GASK1A: variants seen among roughly 807,000 people sequenced by gnomAD.
The protein encoded by GASK1A is Golgi-associated kinase 1A.
GASK1A carries 40 observed loss-of-function variants against 41.2 expected under a neutral mutation model. The observed-to-expected ratio is 0.97, with a 90% CI of 0.75 to 1.27. GASK1A has a LOEUF of 1.27. GASK1A is among the 50% of genes most tolerant of loss of function. The probability of loss-of-function intolerance (pLI) is 0.00; values close to 1 mark genes in which losing one functional copy is unlikely to be tolerated. For synonymous variants in GASK1A, 316 were observed against 307.1 expected (o/e 1.03, Z -0.30); for missense variants, 678 against 745.1 (o/e 0.91, Z 1.05).
intron 2 of GASK1A, among the ~76,000 whole-genome samples, chr3:43,049,270 A>G (rs2089677407): frequency 6.6e-6 from 1 of 151,992 alleles, no homozygotes. Flanking sequence ...ATAAGAGATA[A>G]GATGACTTAA....
chr3:43,031,169 C>T (rs2089574060), intron 1 of GASK1A, among the ~76,000 whole-genome samples: 1 of 152,082 alleles, frequency 6.6e-6, no homozygotes, highest in South Asian at 2.1e-4. Flanking sequence ...ACTAGATTGT[C>T]CATTCATTTT....
At chr3:42,998,069 G>A (rs1412143727) in intron 1 of GASK1A, among the ~76,000 whole-genome samples, 1 of 152,164 alleles carries the variant, frequency 6.6e-6, no homozygotes, top group East Asian at 1.9e-4. Context: ...GTCCCAGCAG[G>A]CACACTGCTG....
intron 2 of GASK1A, among the ~76,000 whole-genome samples, chr3:43,041,899 G>C (rs748350981): frequency 6.6e-6 from 1 of 152,180 alleles, no homozygotes; most frequent in Non-Finnish European, 1.5e-5. Flanking sequence ...GCTCATGCCT[G>C]TAATCCCAGC....
intron 1 of GASK1A, among the ~76,000 whole-genome samples, chr3:43,021,046 G>A (rs150261780): frequency 0.011 from 1,630 of 152,224 alleles, 31 homozygotes; most frequent in African/African-American, 0.037. Context: ...GCACTTCCCG[G>A]TTGAGAGCTG....
chr3:42,990,807 C>CT lies in GASK1A; in HGVS notation c.3+11168dup, dbSNP rs759740099. 2.9e-4 allele frequency among the ~76,000 whole-genome samples: 44 copies of CT among 152,284 alleles called. No individual in the cohort carries two copies. The Middle Eastern group carries it at 0.017, about 59-fold the overall frequency. ...GTTGCTCTGTCAGCTAGGTGTCACT[C>CT]TTTTTTATTAATGAGGAAACTAAGG... On this transcript the variant is annotated intron_variant, in intron 1 of 4. Coordinates refer to ENST00000430121, the MANE Select transcript of GASK1A (RefSeq NM_001129908.3).
At chr3:43,036,572 G>A (rs1356385827) in intron 2 of GASK1A, among the ~76,000 whole-genome samples, 3 of 152,140 alleles carry the variant, frequency 2.0e-5, no homozygotes, top group Non-Finnish European at 4.4e-5. Context: ...ATAACACTCT[G>A]TATTAGTTAG....
intron 1 of GASK1A, among the ~76,000 whole-genome samples, chr3:43,008,570 A>G (rs1159005080): frequency 2.0e-5 from 3 of 152,172 alleles, no homozygotes; most frequent in African/African-American, 7.2e-5. Flanking sequence ...TCAGATTTCA[A>G]CTATAGCTTT....
At chr3:42,997,433 A>AT (rs2089381749) in intron 1 of GASK1A, among the ~76,000 whole-genome samples, 1 of 92,890 alleles carries the variant, frequency 1.1e-5, no homozygotes, top group East Asian at 2.6e-4. Context: ...AGAGAGACAG[A>AT]GAGAGGGGGG....
chr3:42,999,300 A>G (rs1356289913), intron 1 of GASK1A, among the ~76,000 whole-genome samples: 7 of 152,188 alleles, frequency 4.6e-5, no homozygotes, highest in Non-Finnish European at 7.3e-5. Context: ...TATTCTCCAC[A>G]TTCTGGACGG....
At position 43,056,559 on chromosome 3, in the gene GASK1A, C is replaced by T. The variant is rs2089717589; in HGVS notation, c.*173C>T. 2 of 572,370 alleles carry T rather than the reference C, an allele frequency of 3.5e-6. No homozygotes were observed. Among genetic ancestry groups the T allele is most frequent in the African/African-American group, 1.9e-5 (1 of 53,890 alleles). The allele number at this position is 572,370 out of a possible 1,614,324, so 35.5% of individuals were successfully genotyped here. A position where few individuals can be genotyped will look rare whatever the true frequency, so the allele number is the denominator to read the frequency against. On this transcript the variant is annotated 3_prime_UTR_variant, in exon 5 of 5. Coordinates refer to ENST00000430121, the MANE Select transcript of GASK1A (RefSeq NM_001129908.3). ...TAGTATGGGGTTTTCAATCTCAAAG[C>T]GTCCCTTTCTGCCTTCTCGGCTCTG...
At chr3:43,049,140 T>A (rs2089677096) in intron 2 of GASK1A, among the ~76,000 whole-genome samples, 1 of 152,142 alleles carries the variant, frequency 6.6e-6, no homozygotes, top group African/African-American at 2.4e-5. Flanking sequence ...CCAGACTGTA[T>A]CTAGCAGGGA....
chr3:42,990,322 C>T (rs569087920), intron 1 of GASK1A, among the ~76,000 whole-genome samples: 2 of 150,412 alleles, frequency 1.3e-5, no homozygotes, highest in South Asian at 4.2e-4. Context: ...TGCATTCCAG[C>T]CTGGGTGACA....
rs1443841744 is a variant in GASK1A, at chr3:43,027,565, G to A, written c.4-4702G>A. 2.6e-5 allele frequency among the ~76,000 whole-genome samples: 4 copies of A among 152,112 alleles called. No homozygotes were observed. The East Asian group carries it at 7.7e-4, about 29-fold the overall frequency. On this transcript the variant is annotated intron_variant, in intron 1 of 4. Coordinates refer to ENST00000430121, the MANE Select transcript of GASK1A (RefSeq NM_001129908.3). ...ATGAAAATTGAATGGTAGAGGAAAG[G>A]GAGGGCAAGGAGGGGGAAGAGGAAA...
At chr3:43,007,883 G>A (rs1392487580) in intron 1 of GASK1A, among the ~76,000 whole-genome samples, 1 of 152,208 alleles carries the variant, frequency 6.6e-6, no homozygotes, top group Non-Finnish European at 1.5e-5. Context: ...AGACAGCCCA[G>A]CTCAATTTAC....
chr3:42,997,433 AGAG>A (rs980017001), intron 1 of GASK1A, among the ~76,000 whole-genome samples: 2 of 92,890 alleles, frequency 2.2e-5, no homozygotes, highest in Admixed American at 2.1e-4. Context: ...AGAGAGACAG[AGAG>A]AGGGGGGGGG....
chr3:43,031,060 G>A (rs983795501), intron 1 of GASK1A, among the ~76,000 whole-genome samples: 1 of 152,192 alleles, frequency 6.6e-6, no homozygotes, highest in Non-Finnish European at 1.5e-5. Flanking sequence ...GTGCATTCCA[G>A]CAAATTGCCT....
At chr3:42,983,651 C>T (rs76863825) in intron 1 of GASK1A, among the ~76,000 whole-genome samples, 3,027 of 152,234 alleles carry the variant, frequency 0.02, 97 homozygotes, top group African/African-American at 0.068. Context: ...TCGCAGAAGT[C>T]ATCAGGCTTA....
At chr3:43,054,440 C>T (rs559893102) in intron 3 of GASK1A, among the ~76,000 whole-genome samples, 2 of 152,182 alleles carry the variant, frequency 1.3e-5, no homozygotes, top group Non-Finnish European at 2.9e-5. Flanking sequence ...CCATTGTTTA[C>T]CCCTGGTGAG....
chr3:43,034,217 T>C (rs1386379605), intron 2 of GASK1A, among the ~76,000 whole-genome samples: 4 of 152,064 alleles, frequency 2.6e-5, no homozygotes, highest in Non-Finnish European at 5.9e-5. Context: ...ATGGAGAGAA[T>C]GGGAGAGGAA....
Sources: gnomAD v4.1 joint callset for allele counts (sites outside exome capture counted in the v4.1 genomes callset) on GRCh38, gnomAD v4.1.1 for gene constraint, MANE v1.5 for transcripts, NCBI Gene and HGNC (gene_info 2026-07-23, HGNC 2026-07-21) for gene names.